Variants in A1CF observed in about 807,000 individuals in gnomAD.
The protein encoded by A1CF is APOBEC-1 stimulating protein.
In A1CF, 48 loss-of-function variants were observed where a neutral mutation model predicts 68.9. That is an observed-to-expected ratio of 0.70 (90% CI 0.55 to 0.89). A1CF has a LOEUF of 0.89. Ranked by LOEUF, A1CF falls within the 40% of genes least tolerant of loss-of-function variation. The pLI is 0.00. For synonymous variants in A1CF, 272 were observed against 260.4 expected (o/e 1.04, Z -0.43); for missense variants, 653 against 718.9 (o/e 0.91, Z 1.05).
chr10:50,868,866 C>G (rs1009636509), intron 1 of A1CF, among the ~76,000 whole-genome samples: 4 of 152,076 alleles, frequency 2.6e-5, no homozygotes, highest in Admixed American at 2.6e-4. Flanking sequence ...AATTGTGGAA[C>G]CTGCTGCAGA....
chr10:50,850,667 T>C, intron 3 of A1CF: 1 of 1,613,984 alleles, frequency 6.2e-7, no homozygotes, highest in Non-Finnish European at 8.5e-7. Context: ...CTGCTTACCT[T>C]TTCCAGCAAA....
rs1018234186 is a variant in A1CF at position 50,803,272 on chromosome 10, T to G, written c.*3457A>C. The G allele has an allele frequency of 2.6e-5, 4 of 151,426 alleles. No homozygotes were observed. Among genetic ancestry groups the G allele is most frequent in the African/African-American group, 4.9e-5 (2 of 41,212 alleles). 9.4% of individuals were successfully genotyped at this position (151,426 alleles called of 1,614,324 possible). A position where few individuals can be genotyped will look rare whatever the true frequency, so the allele number is the denominator to read the frequency against. On this transcript the variant is annotated 3_prime_UTR_variant, in exon 13 of 13. Coordinates refer to ENST00000373997, the MANE Select transcript of A1CF (RefSeq NM_014576.4). ...ACTGGCCAATTAAATTAAATTTGTT[T>G]TTTTTTTTTTTGTAGAGGCGGAGTC...
rs929674470 is a variant in A1CF, at chr10:50,802,993, C to T, written c.*3736G>A. The T allele has an allele frequency of 6.6e-6, 1 of 152,204 alleles. No homozygotes were observed. The highest frequency in any genetic ancestry group is 1.5e-5 in the Non-Finnish European group (1 of 68,036). 9.4% of individuals were successfully genotyped at this position (152,204 alleles called of 1,614,324 possible). On this transcript the variant is annotated 3_prime_UTR_variant, in exon 13 of 13. Coordinates refer to ENST00000373997, the MANE Select transcript of A1CF (RefSeq NM_014576.4). Reference sequence around the variant, plus strand: ...GTAAAATAAAAACCAATTTCCTGCACAGCTATTATCAGTATATACTTATAG... The same window carrying T: ...GTAAAATAAAAACCAATTTCCTGCATAGCTATTATCAGTATATACTTATAG...
chr10:50,860,042 C>T (rs1291626750), intron 2 of A1CF, 57 bp from the exon 3 acceptor site: 6 of 864,842 alleles, frequency 6.9e-6, no homozygotes, highest in Non-Finnish European at 9.3e-6. Context: ...CCAAACTTCT[C>T]CTTTTCATGA....
intron 7 of A1CF, chr10:50,823,033 C>T (rs1045490557): frequency 6.6e-6 from 1 of 152,104 alleles, no homozygotes; most frequent in Non-Finnish European, 1.5e-5. Context: ...ATTCACATCC[C>T]AACTTCTGTC....
At chr10:50,854,458 G>A (rs1321786478) in intron 3 of A1CF, among the ~76,000 whole-genome samples, 5 of 151,810 alleles carry the variant, frequency 3.3e-5, no homozygotes, top group Non-Finnish European at 7.4e-5. Context: ...ATATGTTTAA[G>A]TTTAAATTTC....
intron 1 of A1CF, among the ~76,000 whole-genome samples, chr10:50,874,578 A>G (rs1564535447): frequency 6.6e-6 from 1 of 152,186 alleles, no homozygotes; most frequent in Non-Finnish European, 1.5e-5. Flanking sequence ...ACGTTCTTAA[A>G]TTTTAGCAAA....
chr10:50,882,517 C>A (rs1163054175), intron 1 of A1CF, among the ~76,000 whole-genome samples: 1 of 152,024 alleles, frequency 6.6e-6, no homozygotes, highest in African/African-American at 2.4e-5. Flanking sequence ...AACTAGCTTT[C>A]CTGGTTGAAT....
At chr10:50,876,297 T>C (rs951514870) in intron 1 of A1CF, among the ~76,000 whole-genome samples, 3 of 152,214 alleles carry the variant, frequency 2.0e-5, no homozygotes, top group Admixed American at 6.5e-5. Flanking sequence ...CCCTTTCCTT[T>C]TGTAATTGCT....
chr10:50,862,353 G>A (rs988868230), intron 2 of A1CF, among the ~76,000 whole-genome samples: 4 of 151,606 alleles, frequency 2.6e-5, no homozygotes, highest in African/African-American at 9.7e-5. Context: ...GCAACAGAGT[G>A]AGACTCTGTT....
At position 50,850,217 on chromosome 10, in the gene A1CF, T is replaced by C. The variant is rs78099927; in HGVS notation, c.100-6095A>G. Among the ~76,000 whole-genome samples, 172 of 152,348 alleles carry C rather than the reference T, an allele frequency of 1.1e-3. 3 individuals carry two copies. In the East Asian group the frequency reaches 0.031, roughly 27 times the overall value. On this transcript the variant is annotated intron_variant, in intron 3 of 12. Transcript: ENST00000373997. ...ATTATGAGTCACCTTCCTGTTTCAC[T>C]TTGGAAGATTGACCATTGAAAGTCT...
chr10:50,847,982 T>C (rs896259477), intron 3 of A1CF, among the ~76,000 whole-genome samples: 2 of 152,188 alleles, frequency 1.3e-5, no homozygotes, highest in Non-Finnish European at 2.9e-5. Flanking sequence ...ACTTAGCCAG[T>C]CAGAGTTAGC....
At chr10:50,848,448 ATGT>A (rs1840095220) in intron 3 of A1CF, among the ~76,000 whole-genome samples, 1 of 152,134 alleles carries the variant, frequency 6.6e-6, no homozygotes, top group Non-Finnish European at 1.5e-5. Context: ...ATAAATCCTC[ATGT>A]TGTGTGTTAC....
chr10:50,813,909 G>C lies in A1CF; in HGVS notation c.1271C>G (p.Thr424Ser), dbSNP rs752049890. Residue 424 changes from threonine to serine, a missense_variant, in exon 10 of 13, where the codon ACC (threonine) becomes AGC (serine). Coordinates refer to ENST00000373997, the MANE Select transcript of A1CF (RefSeq NM_014576.4). ...TTTTAATGTGACAGGATTCATTGGG[G>C]TGAGCTCCATCCCAGGTAAAATGTC... ...LYDILPGMELTPMNPVTLKPQ... is the reference protein window; with the variant it reads ...LYDILPGMELSPMNPVTLKPQ... 1.2e-6 allele frequency: 2 copies of C among 1,613,834 alleles called. No homozygotes were observed. The highest frequency in any genetic ancestry group is 1.7e-6 in the Non-Finnish European group (2 of 1,179,840).
chr10:50,829,134 C>A (rs1839113825), intron 6 of A1CF, among the ~76,000 whole-genome samples: 1 of 152,176 alleles, frequency 6.6e-6, no homozygotes, highest in Admixed American at 6.6e-5. Flanking sequence ...AGGTGAATTA[C>A]TCCCAATTTT....
chr10:50,841,708 A>T, intron 5 of A1CF, 154 bp downstream of exon 5: 1 of 784,688 alleles, frequency 1.3e-6, no homozygotes, highest in Non-Finnish European at 1.9e-6. Flanking sequence ...ATAAATATTT[A>T]ATCAAATTTA....
At chr10:50,850,844 C>T (rs1377753541) in intron 3 of A1CF, 1 of 1,571,182 alleles carries the variant, frequency 6.4e-7, no homozygotes, top group East Asian at 2.3e-5. Context: ...TTTAGTCATT[C>T]CTTAATCCGT....
chr10:50,857,381 G>C (rs1374367444), intron 3 of A1CF, among the ~76,000 whole-genome samples: 2 of 152,092 alleles, frequency 1.3e-5, no homozygotes, highest in Non-Finnish European at 2.9e-5. Context: ...CTCTGATTTA[G>C]GTATGAAACC....
Position 50,832,346 on chromosome 10 carries a change from C to T in A1CF, c.604+3728G>A, listed in dbSNP as rs370764131. The stretch of plus-strand genomic sequence containing the variant: ...GCTGGCTGTTAAAGATTTACCAGCT[C>T]GTTACTGACCTCTGGACTACCTACC... On this transcript the variant is annotated intron_variant, in intron 6 of 12. Transcript: ENST00000373997. Among the ~76,000 whole-genome samples, 33 of 152,194 alleles carry T rather than the reference C, an allele frequency of 2.2e-4. No individual in the cohort carries two copies. The East Asian group carries it at 4.2e-3, about 20-fold the overall frequency.
Sources: gnomAD v4.1 joint callset for allele counts (sites outside exome capture counted in the v4.1 genomes callset) on GRCh38, gnomAD v4.1.1 for gene constraint, MANE v1.5 for transcripts, NCBI Gene and HGNC (gene_info 2026-07-23, HGNC 2026-07-21) for gene names.